Variants in RGS18 observed in about 807,000 individuals in gnomAD.
RGS18 encodes the protein regulator of G protein signaling 18.
In RGS18, 22 loss-of-function variants were observed where a neutral mutation model predicts 27.6. The observed-to-expected ratio is 0.80, with a 90% confidence interval of 0.57 to 1.14. The LOEUF is 1.14. Ranked by LOEUF, RGS18 falls within the 50% of genes most tolerant of loss-of-function variation. RGS18 has a pLI of 0.00. For synonymous variants in RGS18, 89 were observed against 84.6 expected, an observed-to-expected ratio of 1.05 and a Z score of -0.29; for missense variants, 299 against 269.6, an observed-to-expected ratio of 1.11 and a Z score of -0.76.
At chr1:192,180,627 A>C (rs1350041770) in intron 3 of RGS18, among the ~76,000 whole-genome samples, 2 of 151,662 alleles carry the variant, frequency 1.3e-5, no homozygotes, top group African/African-American at 4.8e-5. Context: ...ATTATGTTTG[A>C]ATTTAAAATT....
chr1:192,179,534 A>G (rs946081607), intron 3 of RGS18, among the ~76,000 whole-genome samples: 4 of 150,600 alleles, frequency 2.7e-5, no homozygotes, highest in Non-Finnish European at 5.9e-5. Flanking sequence ...GTAATAACTG[A>G]AAAAAAAAGA....
Position 192,181,339 on chromosome 1 carries a change from G to T in RGS18, c.331G>T (p.Glu111Ter). Residue 111 changes from glutamate to a stop codon, truncating the protein, a stop_gained, in exon 4 of 5, where the codon GAA becomes TAA. Transcript: ENST00000367460. LOFTEE classifies it high-confidence loss of function. ...TRFLKTEFSEENIEFWIACED... is the reference protein window; with the variant it reads ...TRFLKTEFSE Reference sequence around the variant, plus strand: ...ATTTCTTAAAACTGAATTCAGTGAAGAAAATATTGAATTTTGGATAGCCTG... The same window carrying T: ...ATTTCTTAAAACTGAATTCAGTGAATAAAATATTGAATTTTGGATAGCCTG... 2 of 1,578,068 alleles carry T rather than the reference G, an allele frequency of 1.3e-6. No individual in the cohort carries two copies. Among genetic ancestry groups the T allele is most frequent in the Non-Finnish European group, 1.7e-6 (2 of 1,160,840 alleles).
Position 192,158,572 on chromosome 1 carries a change from A to G in RGS18, c.-66A>G. 1 of 1,363,888 alleles carries G rather than the reference A, an allele frequency of 7.3e-7. No homozygotes were observed. 84.5% of individuals were successfully genotyped at this position (1,363,888 alleles called of 1,614,324 possible). On this transcript the variant is annotated 5_prime_UTR_variant, in exon 1 of 5. Transcript: ENST00000367460. ...TTATTCTACTATGTATATGTATGGAATAGTATTAATAAATGAACTAGGGAA... is the reference window on the plus strand; with the variant it reads ...TTATTCTACTATGTATATGTATGGAGTAGTATTAATAAATGAACTAGGGAA...
At chr1:192,160,269 G>A in intron 2 of RGS18, 109 bp from the exon 3 acceptor site, 1 of 503,778 alleles carries the variant, frequency 2.0e-6, no homozygotes, top group Non-Finnish European at 3.5e-6. Flanking sequence ...AATCAAAGGA[G>A]AAACTGTGAA....
At chr1:192,161,718 C>T (rs933691176) in intron 3 of RGS18, among the ~76,000 whole-genome samples, 6 of 152,096 alleles carry the variant, frequency 3.9e-5, no homozygotes, top group Admixed American at 6.5e-5. Flanking sequence ...TAGCGTTGCC[C>T]GTGTCTTTCA....
intron 3 of RGS18, chr1:192,163,420 A>T (rs1322979884): frequency 6.6e-6 from 1 of 152,140 alleles, no homozygotes; most frequent in Non-Finnish European, 1.5e-5. Context: ...GCATAGAAAG[A>T]TTTAGCAGGA....
rs891573348 is a variant in RGS18 at position 192,160,836 on chromosome 1, G to GT, written c.283+405dup. ...CATACAGGAAACCCACATAAACACAGTTTTTTTTGTTTGTTTGTTTTTGTT... is the reference window on the plus strand; with the variant it reads ...CATACAGGAAACCCACATAAACACAGTTTTTTTTTGTTTGTTTGTTTTTGTT... On this transcript the variant is annotated intron_variant, in intron 3 of 4. Coordinates refer to ENST00000367460, the MANE Select transcript of RGS18 (RefSeq NM_130782.3). Among the ~76,000 whole-genome samples the GT allele has an allele frequency of 9.1e-4, 138 of 151,986 alleles. 1 individual carries two copies. The highest frequency in any genetic ancestry group is 3.4e-3 in the Middle Eastern group (1 of 294).
chr1:192,159,857 T>C (rs1342673784), intron 2 of RGS18, among the ~76,000 whole-genome samples: 1 of 152,056 alleles, frequency 6.6e-6, no homozygotes, highest in Admixed American at 6.5e-5. Flanking sequence ...ATTACCAACA[T>C]CTCTAGAATA....
At chr1:192,165,541 A>T (rs561946848) in intron 3 of RGS18, among the ~76,000 whole-genome samples, 1 of 152,196 alleles carries the variant, frequency 6.6e-6, no homozygotes, top group African/African-American at 2.4e-5. Context: ...TGCCGATGTG[A>T]TGTCTCCCCT....
At chr1:192,179,231 T>C (rs138852977) in intron 3 of RGS18, among the ~76,000 whole-genome samples, 202 of 151,698 alleles carry the variant, frequency 1.3e-3, no homozygotes, top group Non-Finnish European at 1.1e-3. Context: ...TGATATTTCC[T>C]TATGCAATAA....
chr1:192,172,002 A>C (rs1656264030), intron 3 of RGS18, among the ~76,000 whole-genome samples: 1 of 152,046 alleles, frequency 6.6e-6, no homozygotes. Flanking sequence ...TGGAGGGTTT[A>C]AGGAAGAATC....
At chr1:192,160,706 A>T in intron 3 of RGS18, 1 of 378,956 alleles carries the variant, frequency 2.6e-6, no homozygotes, top group Non-Finnish European at 4.7e-6. Context: ...AATTTTTCCG[A>T]TTTTTGAATG....
chr1:192,161,093 A>C (rs1656062970), intron 3 of RGS18, among the ~76,000 whole-genome samples: 1 of 152,150 alleles, frequency 6.6e-6, no homozygotes, highest in African/African-American at 2.4e-5. Flanking sequence ...CTGGTGATCC[A>C]CCCGTCTCAG....
At chr1:192,165,457 C>T (rs1000378363) in intron 3 of RGS18, among the ~76,000 whole-genome samples, 9 of 152,134 alleles carry the variant, frequency 5.9e-5, no homozygotes, top group Non-Finnish European at 1.0e-4. Context: ...ACACTGTGTT[C>T]GTACACTCCC....
intron 3 of RGS18, among the ~76,000 whole-genome samples, chr1:192,164,950 A>G (rs1214926389): frequency 6.6e-6 from 1 of 152,186 alleles, no homozygotes; most frequent in Non-Finnish European, 1.5e-5. Flanking sequence ...CTGAAAAAGA[A>G]CAGGATAACA....
chr1:192,172,755 ATATT>A (rs1168542591), intron 3 of RGS18, among the ~76,000 whole-genome samples: 1 of 151,328 alleles, frequency 6.6e-6, no homozygotes, highest in Non-Finnish European at 1.5e-5. Context: ...GTCCTGAACT[ATATT>A]TAGTTCCTTT....
chr1:192,163,355 T>G (rs1656105902), intron 3 of RGS18: 1 of 152,172 alleles, frequency 6.6e-6, no homozygotes, highest in Non-Finnish European at 1.5e-5. Context: ...AGGATTTCTT[T>G]CACTTAATGA....
intron 4 of RGS18, among the ~76,000 whole-genome samples, chr1:192,182,201 T>C (rs1342089671): frequency 6.6e-6 from 1 of 151,632 alleles, no homozygotes; most frequent in Non-Finnish European, 1.5e-5. Context: ...CCTTTAGATA[T>C]ATACCTAGAC....
At position 192,181,456 on chromosome 1, in the gene RGS18, G is replaced by A; in HGVS notation, c.448G>A (p.Glu150Lys). The change falls in exon 4 of 5, where the codon GAG (glutamate) becomes AAG (lysine). Residue 150 changes from glutamate to lysine, a missense_variant and splice_region_variant. Glu to Lys is a moderately conservative substitution (Grantham distance 56). Coordinates refer to ENST00000367460, the MANE Select transcript of RGS18 (RefSeq NM_130782.3). ...EKFIQTDAPKEVNLDFHTKEV... is the reference protein window; with the variant it reads ...EKFIQTDAPKKVNLDFHTKEV... Reference sequence around the variant, plus strand: ...ATTTATACAGACTGATGCCCCAAAAGAGGTACAGTAAAGATAACTGTAAAA... The same window carrying A: ...ATTTATACAGACTGATGCCCCAAAAAAGGTACAGTAAAGATAACTGTAAAA... 2 of 1,535,796 alleles carry A rather than the reference G, an allele frequency of 1.3e-6. No individual in the cohort carries two copies. Among genetic ancestry groups the A allele is most frequent in the South Asian group, 1.3e-5 (1 of 74,726 alleles).
Sources: gnomAD v4.1 joint callset for allele counts (sites outside exome capture counted in the v4.1 genomes callset) on GRCh38, gnomAD v4.1.1 for gene constraint, MANE v1.5 for transcripts, NCBI Gene and HGNC (gene_info 2026-07-23, HGNC 2026-07-21) for gene names.